ALDH1A2: variants seen among roughly 807,000 people sequenced by gnomAD.
ALDH1A2 encodes retinal dehydrogenase 2.
ALDH1A2 carries 27 observed loss-of-function variants against 60.3 expected under a neutral mutation model. The observed-to-expected ratio is 0.45, with a 90% CI of 0.33 to 0.62. The LOEUF (loss-of-function observed/expected upper bound fraction) is 0.62, where lower values mean the gene tolerates loss of function less well. Ranked by LOEUF, ALDH1A2 falls within the 20% of genes least tolerant of loss-of-function variation. The pLI, the probability that ALDH1A2 is intolerant of heterozygous loss-of-function variation, is 0.02. For missense variants in ALDH1A2, 581 were observed against 643.8 expected, an observed-to-expected ratio of 0.90 and a Z score of 1.06; for synonymous variants, 289 against 232.4, an observed-to-expected ratio of 1.24 and a Z score of -2.21.
At chr15:58,011,543 G>A (rs746625063) in intron 3 of ALDH1A2, among the ~76,000 whole-genome samples, 3 of 152,248 alleles carry the variant, frequency 2.0e-5, no homozygotes, top group Non-Finnish European at 4.4e-5. Flanking sequence ...TTACAAGTTC[G>A]ACAAATGAAA....
At chr15:57,973,451 T>C (rs1359732582) in intron 7 of ALDH1A2, among the ~76,000 whole-genome samples, 6 of 152,290 alleles carry the variant, frequency 3.9e-5, no homozygotes, top group Admixed American at 3.3e-4. Flanking sequence ...CTCCCTAAGG[T>C]AATCACAGCA....
At chr15:58,026,429 G>C (rs151009495) in intron 1 of ALDH1A2, among the ~76,000 whole-genome samples, 1 of 152,158 alleles carries the variant, frequency 6.6e-6, no homozygotes, top group Non-Finnish European at 1.5e-5. Flanking sequence ...AAGAGCTCTG[G>C]TCTGCAGCTC....
intron 7 of ALDH1A2, among the ~76,000 whole-genome samples, chr15:57,967,032 A>T (rs1893918370): frequency 6.6e-6 from 1 of 152,256 alleles, no homozygotes; most frequent in Non-Finnish European, 1.5e-5. Context: ...TAAATATTTT[A>T]AAAGCGGGGG....
chr15:58,029,714 C>T (rs1343876095), intron 1 of ALDH1A2, among the ~76,000 whole-genome samples: 1 of 151,958 alleles, frequency 6.6e-6, no homozygotes, highest in Non-Finnish European at 1.5e-5. Context: ...ATATCACCAC[C>T]GATTCCACAG....
At position 58,064,787 on chromosome 15, in the gene ALDH1A2, C is replaced by T. The variant is rs1245823884; in HGVS notation, c.117+747G>A. Among the ~76,000 whole-genome samples, 3 of 151,886 alleles carry T rather than the reference C, an allele frequency of 2.0e-5. No homozygotes were observed. In the East Asian group the frequency reaches 5.8e-4, roughly 29 times the overall value. On this transcript the variant is annotated intron_variant, in intron 1 of 12. Coordinates refer to ENST00000249750, the MANE Select transcript of ALDH1A2 (RefSeq NM_003888.4). ...AATTCATTTTATATTAGGTAGCAGACGCATATTCTTTTTTAGGCGATGCAA... is the reference window on the plus strand; with the variant it reads ...AATTCATTTTATATTAGGTAGCAGATGCATATTCTTTTTTAGGCGATGCAA...
chr15:57,985,343 T>C (rs1274017314), intron 7 of ALDH1A2, among the ~76,000 whole-genome samples: 1 of 152,202 alleles, frequency 6.6e-6, no homozygotes. Flanking sequence ...TCTTGAAACC[T>C]TGATAGACCA....
intron 1 of ALDH1A2, among the ~76,000 whole-genome samples, chr15:58,054,417 A>C (rs1332059440): frequency 6.6e-6 from 1 of 152,136 alleles, no homozygotes; most frequent in Non-Finnish European, 1.5e-5. Flanking sequence ...TGTGCACCCC[A>C]AATGCCACCC....
At chr15:57,985,098 T>C (rs766879728) in intron 7 of ALDH1A2, among the ~76,000 whole-genome samples, 1 of 152,236 alleles carries the variant, frequency 6.6e-6, no homozygotes, top group Non-Finnish European at 1.5e-5. Context: ...TCTTTGTCTG[T>C]GGTATCTTCT....
At chr15:57,998,903 T>A (rs1265822950) in intron 4 of ALDH1A2, among the ~76,000 whole-genome samples, 1 of 152,080 alleles carries the variant, frequency 6.6e-6, no homozygotes, top group Non-Finnish European at 1.5e-5. Context: ...ACCACACATC[T>A]ACAACCATCT....
At chr15:58,024,104 C>G (rs1896007772) in intron 1 of ALDH1A2, among the ~76,000 whole-genome samples, 1 of 151,964 alleles carries the variant, frequency 6.6e-6, no homozygotes, top group Non-Finnish European at 1.5e-5. Context: ...AAAAAAAATG[C>G]TCAAAATATT....
chr15:57,962,463 A>T (rs928722527), intron 9 of ALDH1A2, among the ~76,000 whole-genome samples: 1 of 152,190 alleles, frequency 6.6e-6, no homozygotes, highest in African/African-American at 2.4e-5. Flanking sequence ...AATGATGGAG[A>T]CACTGGCTAA....
Position 57,955,263 on chromosome 15 carries a change from T to C in ALDH1A2, c.1491A>G (p.Glu497=), listed in dbSNP as rs1893480707. 2 of 1,613,906 alleles carry C rather than the reference T, an allele frequency of 1.2e-6. No individual in the cohort carries two copies. Among genetic ancestry groups the C allele is most frequent in the Admixed American group, 1.7e-5 (1 of 59,978 alleles). The change falls in exon 13 of 13, where the codon GAA becomes GAG. Residue 497 remains glutamate, a synonymous_variant. Transcript: ENST00000249750. ...KMSGNGREMG[E]FGLREYSEVK... ...CTTCTGAGTACTCCCGCAAGCCAAA[T>C]TCTCCCCTGAAACACAGAAATGGGC...
At chr15:58,059,673 A>G (rs1280058387) in intron 1 of ALDH1A2, among the ~76,000 whole-genome samples, 1 of 152,140 alleles carries the variant, frequency 6.6e-6, no homozygotes, top group African/African-American at 2.4e-5. Flanking sequence ...TTTTGGCACA[A>G]ATGTCAAGAT....
chr15:58,043,055 A>T (rs1252745146), intron 1 of ALDH1A2, among the ~76,000 whole-genome samples: 1 of 151,936 alleles, frequency 6.6e-6, no homozygotes, highest in Non-Finnish European at 1.5e-5. Context: ...GAAGAGGTGA[A>T]GTTGCTTGTG....
chr15:57,968,864 T>C (rs1462600317), intron 7 of ALDH1A2, among the ~76,000 whole-genome samples: 2 of 152,364 alleles, frequency 1.3e-5, no homozygotes, highest in Non-Finnish European at 2.9e-5. Context: ...TTCATGGCTA[T>C]GGTAACTATA....
chr15:57,960,986 T>G, intron 11 of ALDH1A2, 142 bp from the exon 12 acceptor site: 1 of 1,332,006 alleles, frequency 7.5e-7, no homozygotes, highest in Non-Finnish European at 1.0e-6. Context: ...CTACTTTGAT[T>G]TCTGGATCTA....
chr15:57,999,737 C>G (rs1157977037), intron 4 of ALDH1A2, among the ~76,000 whole-genome samples: 9 of 151,990 alleles, frequency 5.9e-5, no homozygotes, highest in Non-Finnish European at 1.0e-4. Context: ...GAATATAAAT[C>G]ATTCTGTTAT....
intron 4 of ALDH1A2, among the ~76,000 whole-genome samples, chr15:58,004,393 G>A (rs1255889251): frequency 6.6e-6 from 1 of 151,774 alleles, no homozygotes; most frequent in East Asian, 1.9e-4. Context: ...GCATAACTAT[G>A]AGCCTTGGGC....
In ALDH1A2 at chr15:58,028,234, G is replaced by A. The variant is rs528973826; in HGVS notation, c.118-13953C>T. On this transcript the variant is annotated intron_variant, in intron 1 of 12. Transcript: ENST00000249750. ...AAGCTCTAAAAGCCAGAAGAGAGTG[G>A]GGGCCAATATTCAACATTCTTAAAG... 4.7e-3 allele frequency among the ~76,000 whole-genome samples: 715 copies of A among 152,218 alleles called. 6 individuals carry two copies. Among genetic ancestry groups the A allele is most frequent in the Non-Finnish European group, 7.7e-3 (521 of 68,016 alleles).
Sources: gnomAD v4.1 joint callset for allele counts (sites outside exome capture counted in the v4.1 genomes callset) on GRCh38, gnomAD v4.1.1 for gene constraint, MANE v1.5 for transcripts, NCBI Gene and HGNC (gene_info 2026-07-23, HGNC 2026-07-21) for gene names.